Variants in ACTN4 observed in about 807,000 individuals in gnomAD.
The protein encoded by ACTN4 is alpha-actinin-4.
ACTN4 carries 18 observed loss-of-function variants against 114.2 expected under a neutral mutation model. The observed-to-expected ratio is 0.16, with a 90% CI of 0.11 to 0.23. The LOEUF (loss-of-function observed/expected upper bound fraction) is 0.23. Ranked by LOEUF, ACTN4 falls within the 10% of genes least tolerant of loss-of-function variation. The pLI, the probability that ACTN4 is intolerant of heterozygous loss-of-function variation, is 1.00. For synonymous variants in ACTN4, 515 were observed against 506.3 expected (o/e 1.02, Z -0.23); for missense variants, 722 against 1,262.9 (o/e 0.57, Z 6.49).
At position 38,718,087 on chromosome 19, in the gene ACTN4, T is replaced by C; in HGVS notation, c.1291+13T>C. 6.3e-7 allele frequency: 1 copy of C among 1,595,082 alleles called. No homozygotes were observed. Among genetic ancestry groups the C allele is most frequent in the Non-Finnish European group, 8.5e-7 (1 of 1,170,496 alleles). On this transcript the variant is annotated intron_variant, in intron 11 of 20. Coordinates refer to ENST00000252699, the MANE Select transcript of ACTN4 (RefSeq NM_004924.6). ...GCCTGGACTGACGGTACGGCCCAGC[T>C]CTGCCCCACTCTGCCCAGCCCCGCT...
At chr19:38,723,011 G>A (rs566929342) in intron 12 of ACTN4, among the ~76,000 whole-genome samples, 4 of 152,280 alleles carry the variant, frequency 2.6e-5, no homozygotes, top group South Asian at 2.1e-4. Context: ...GATTAATGGC[G>A]ATAGCAAAAA....
chr19:38,708,150 C>T lies in ACTN4; in HGVS notation c.606C>T (p.Ile202=). 4 of 1,614,212 alleles carry T rather than the reference C, an allele frequency of 2.5e-6. No homozygotes were observed. Among genetic ancestry groups the T allele is most frequent in the Admixed American group, 3.3e-5 (2 of 60,030 alleles). The change falls in exon 6 of 21, where the codon ATC becomes ATT. Residue 202 remains isoleucine, a synonymous_variant. Coordinates refer to ENST00000252699, the MANE Select transcript of ACTN4 (RefSeq NM_004924.6). ...ATGGTCTTGCCTTCAATGCCCTGATCCACCGGCACAGACCAGAGCTGATTG... is the reference window on the plus strand; with the variant it reads ...ATGGTCTTGCCTTCAATGCCCTGATTCACCGGCACAGACCAGAGCTGATTG... ...WKDGLAFNAL[I]HRHRPELIEY...
chr19:38,683,583 G>A (rs553387569), intron 1 of ACTN4, among the ~76,000 whole-genome samples: 7 of 152,332 alleles, frequency 4.6e-5, no homozygotes, highest in Middle Eastern at 3.4e-3. Context: ...AATGGCAGTT[G>A]GGCTGCACCT....
rs1226421645 is a variant in ACTN4, at chr19:38,730,978, A to C, written c.*1546A>C. ...CACCTGGCTCACCTGTCTGTGGGTC[A>C]GGCAGATGACCCCCTCACCCCCATC... On this transcript the variant is annotated 3_prime_UTR_variant, in exon 21 of 21. Coordinates refer to ENST00000252699, the MANE Select transcript of ACTN4 (RefSeq NM_004924.6). The C allele has an allele frequency of 2.6e-6, 4 of 1,550,912 alleles. No homozygotes were observed. Among genetic ancestry groups the C allele is most frequent in the Middle Eastern group, 3.3e-4 (2 of 6,012 alleles).
chr19:38,707,716 G>A lies in ACTN4; in HGVS notation c.573-401G>A, dbSNP rs939933511. 8.5e-5 allele frequency among the ~76,000 whole-genome samples: 13 copies of A among 152,272 alleles called. No individual in the cohort carries two copies. In the East Asian group the frequency reaches 2.1e-3, roughly 25 times the overall value. On this transcript the variant is annotated intron_variant, in intron 5 of 20. Coordinates refer to ENST00000252699, the MANE Select transcript of ACTN4 (RefSeq NM_004924.6). The stretch of plus-strand genomic sequence containing the variant: ...CTGCAGTGGCCACCTCCCCCGAAGC[G>A]GCCTGTCTGGTTCAGGGCGGCCTCC...
At chr19:38,702,395 C>A (rs530341743) in intron 3 of ACTN4, among the ~76,000 whole-genome samples, 1 of 152,142 alleles carries the variant, frequency 6.6e-6, no homozygotes, top group African/African-American at 2.4e-5. Context: ...TGGGCATTCG[C>A]GGGAGCATTG....
intron 1 of ACTN4, among the ~76,000 whole-genome samples, chr19:38,658,360 C>T (rs572500751): frequency 2.6e-5 from 4 of 152,262 alleles, no homozygotes; most frequent in African/African-American, 7.2e-5. Context: ...TGCCTACTTC[C>T]ACAAACACTG....
At chr19:38,688,407 A>AAAAC (rs903925902) in intron 1 of ACTN4, among the ~76,000 whole-genome samples, 5 of 150,998 alleles carry the variant, frequency 3.3e-5, no homozygotes, top group Admixed American at 6.6e-5. Flanking sequence ...AAAAAAAAAA[A>AAAAC]AAAACCCACA....
Position 38,731,147 on chromosome 19 carries a change from C to G in ACTN4, c.*1715C>G. On this transcript the variant is annotated 3_prime_UTR_variant, in exon 21 of 21. Transcript: ENST00000252699. The stretch of plus-strand genomic sequence containing the variant: ...GGTGGGCCACACAGGACACGAACCG[C>G]TCGAAGTCCACACGCAGACGGCTAT... 3.7e-6 allele frequency: 6 copies of G among 1,613,068 alleles called. No individual in the cohort carries two copies. Among genetic ancestry groups the G allele is most frequent in the Non-Finnish European group, 5.1e-6 (6 of 1,179,960 alleles).
rs1265399605 is a variant in ACTN4 at position 38,725,807 on chromosome 19, G to T, written c.2094G>T (p.Val698=). ...SHLKQYERSI[V]DYKPNLDLLE... ...TGAAGCAGTATGAACGCAGCATCGT[G>T]GACTACAAGCCCAACCTGGACCTGC... The change falls in exon 17 of 21, where the codon GTG becomes GTT. Residue 698 remains valine (V), a synonymous_variant. Transcript: ENST00000252699. The T allele has an allele frequency of 6.2e-7, 1 of 1,614,034 alleles. No individual in the cohort carries two copies. The highest frequency in any genetic ancestry group is 1.3e-5 in the African/African-American group (1 of 74,940).
intron 1 of ACTN4, among the ~76,000 whole-genome samples, chr19:38,680,140 C>T (rs1599789578): frequency 6.7e-6 from 1 of 149,020 alleles, no homozygotes; most frequent in South Asian, 2.1e-4. Context: ...ACGCTGAGGT[C>T]TTTGATGGAG....
At chr19:38,700,523 G>A in intron 1 of ACTN4, 77 bp from the exon 2 acceptor site, 3 of 1,235,036 alleles carry the variant, frequency 2.4e-6, no homozygotes, top group Non-Finnish European at 3.6e-6. Context: ...GGTCAGAGCT[G>A]CGGCCCTGCA....
chr19:38,710,447 C>T lies in ACTN4; in HGVS notation c.819+105C>T, dbSNP rs1310795809. The T allele has an allele frequency of 1.3e-5, 16 of 1,255,548 alleles. No homozygotes were observed. The Admixed American group carries it at 2.5e-4, about 20-fold the overall frequency. 77.8% of individuals were successfully genotyped at this position (1,255,548 alleles called of 1,614,324 possible). A position where few individuals can be genotyped will look rare whatever the true frequency, so the allele number is the denominator to read the frequency against. Reference sequence around the variant, plus strand: ...CATTTCTCTTGCAGACGGCAGTGGCCTCTCTCCAACTGGAAGCCACCCCCA... The same window carrying T: ...CATTTCTCTTGCAGACGGCAGTGGCTTCTCTCCAACTGGAAGCCACCCCCA... On this transcript the variant is annotated intron_variant, in intron 8 of 20. Coordinates refer to ENST00000252699, the MANE Select transcript of ACTN4 (RefSeq NM_004924.6).
intron 1 of ACTN4, among the ~76,000 whole-genome samples, chr19:38,687,205 C>G (rs1967774817): frequency 6.6e-6 from 1 of 151,528 alleles, no homozygotes; most frequent in Non-Finnish European, 1.5e-5. Context: ...CTCCTGACCT[C>G]AAATGATCCA....
chr19:38,725,479 G>A (rs1969200984), intron 16 of ACTN4, among the ~76,000 whole-genome samples: 1 of 152,230 alleles, frequency 6.6e-6, no homozygotes. Flanking sequence ...ATGAAGTTGG[G>A]CACAGGGAGC....
intron 1 of ACTN4, among the ~76,000 whole-genome samples, chr19:38,685,789 T>A (rs1967722893): frequency 6.6e-6 from 1 of 152,086 alleles, no homozygotes; most frequent in Non-Finnish European, 1.5e-5. Flanking sequence ...TGGAATAGGA[T>A]GGCCCTGACT....
chr19:38,699,621 G>T (rs144791389), intron 1 of ACTN4, among the ~76,000 whole-genome samples: 1 of 152,094 alleles, frequency 6.6e-6, no homozygotes, highest in Non-Finnish European at 1.5e-5. Flanking sequence ...TGGGCATGTT[G>T]GCATACACCC....
At chr19:38,710,846 A>G (rs1489849299) in intron 8 of ACTN4, 3 of 269,356 alleles carry the variant, frequency 1.1e-5, no homozygotes, top group Non-Finnish European at 2.2e-5. Context: ...GTATTCAGGG[A>G]CCAGCTAGAG....
At chr19:38,685,686 G>T (rs1967720790) in intron 1 of ACTN4, among the ~76,000 whole-genome samples, 1 of 152,076 alleles carries the variant, frequency 6.6e-6, no homozygotes, top group Non-Finnish European at 1.5e-5. Context: ...AAGTCTGTGG[G>T]GGCTGTACAT....
Sources: gnomAD v4.1 joint callset for allele counts (sites outside exome capture counted in the v4.1 genomes callset) on GRCh38, gnomAD v4.1.1 for gene constraint, MANE v1.5 for transcripts, NCBI Gene and HGNC (gene_info 2026-07-23, HGNC 2026-07-21) for gene names.